WNT7B: variants seen among roughly 807,000 people sequenced by gnomAD.
WNT7B encodes the protein protein Wnt-7b.
WNT7B carries 19 observed loss-of-function variants against 38.2 expected under a neutral mutation model. The ratio of observed to expected loss-of-function variants is 0.50; its 90% CI spans 0.35 to 0.73. The LOEUF (loss-of-function observed/expected upper bound fraction) is 0.73. WNT7B is among the 30% of genes least tolerant of loss of function. The pLI, the probability that WNT7B is intolerant of heterozygous loss-of-function variation, is 0.01. For synonymous variants in WNT7B, 243 were observed against 209.3 expected (o/e 1.16, Z -1.39); for missense variants, 423 against 507.9 (o/e 0.83, Z 1.61).
chr22:45,932,425 G>A (rs893745600), intron 2 of WNT7B, among the ~76,000 whole-genome samples: 5 of 132,880 alleles, frequency 3.8e-5, no homozygotes, highest in Admixed American at 1.5e-4. Flanking sequence ...GACCCCCCCC[G>A]CCAGAAGGGA....
At position 45,931,366 on chromosome 22, in the gene WNT7B, C is replaced by T; in HGVS notation, c.302G>A (p.Ser101Asn). 6.3e-7 allele frequency: 1 copy of T among 1,587,008 alleles called. No homozygotes were observed. The highest frequency in any genetic ancestry group is 8.5e-7 in the Non-Finnish European group (1 of 1,172,238). The change falls in exon 3 of 4, where the codon AGC becomes AAC. Residue 101 changes from serine (S) to asparagine (N), a missense_variant. Coordinates refer to ENST00000339464, the MANE Select transcript of WNT7B (RefSeq NM_058238.3). ...TVFGQELRVG[S>N]REAAFTYAIT... ...GGCGTACGTGAAGGCAGCCTCACGG[C>T]TCCCTGCGGGGACAGACAGGTGCAG...
At chr22:45,936,762 C>A (rs970255898) in intron 2 of WNT7B, among the ~76,000 whole-genome samples, 1 of 152,194 alleles carries the variant, frequency 6.6e-6, no homozygotes, top group Non-Finnish European at 1.5e-5. Context: ...CTCACTCTGA[C>A]CATGAGGAGG....
chr22:45,933,724 TAAC>T (rs1002763306), intron 2 of WNT7B, among the ~76,000 whole-genome samples: 9 of 152,158 alleles, frequency 5.9e-5, no homozygotes, highest in African/African-American at 2.2e-4. Flanking sequence ...GGTACAATCT[TAAC>T]AAGGAGCATG....
intron 2 of WNT7B, among the ~76,000 whole-genome samples, chr22:45,944,618 G>A (rs1297874434): frequency 3.3e-5 from 5 of 152,220 alleles, no homozygotes; most frequent in African/African-American, 7.2e-5. Context: ...GACCAGGGTC[G>A]TCAGCCTGGG....
At chr22:45,943,535 A>G (rs1931721035) in intron 2 of WNT7B, among the ~76,000 whole-genome samples, 1 of 152,058 alleles carries the variant, frequency 6.6e-6, no homozygotes, top group Admixed American at 6.5e-5. Flanking sequence ...TGCCCTCGGG[A>G]GTGCTCTGGC....
chr22:45,950,237 C>G, intron 1 of WNT7B, 91 bp from the exon 2 acceptor site: 1 of 1,158,764 alleles, frequency 8.6e-7, no homozygotes, highest in South Asian at 1.4e-5. Context: ...GCCTCTCAGT[C>G]ACAGGCCCTG....
rs78976711 is a variant in WNT7B, at chr22:45,975,193, G to A, written c.71+1491C>T. ...CCTAACTACTCTAGGGGTGCCAGGA[G>A]GGGGAAGGCCTCAGCGCTGAGAATC... is the stretch of plus-strand genomic sequence containing the variant. On this transcript the variant is annotated intron_variant, in intron 1 of 3. Transcript: ENST00000339464. The surrounding 1 kb of genome is among the most constrained non-coding windows in gnomAD (Gnocchi z 6.6). Among the ~76,000 whole-genome samples, 1 of 152,162 alleles carries A rather than the reference G, an allele frequency of 6.6e-6. No individual in the cohort carries two copies. The highest frequency in any genetic ancestry group is 1.9e-4 in the East Asian group (1 of 5,192).
At chr22:45,968,649 C>T (rs1338116511) in intron 1 of WNT7B, among the ~76,000 whole-genome samples, 2 of 152,236 alleles carry the variant, frequency 1.3e-5, no homozygotes, top group African/African-American at 4.8e-5. Flanking sequence ...GATGCACATT[C>T]TCCCCTTTAG....
intron 1 of WNT7B, among the ~76,000 whole-genome samples, chr22:45,962,256 A>G (rs1367863603): frequency 1.3e-5 from 2 of 152,192 alleles, no homozygotes; most frequent in Admixed American, 1.3e-4. Flanking sequence ...AGGGGCCCGC[A>G]GCTAATGAGG....
At chr22:45,967,900 A>C (rs1932348002) in intron 1 of WNT7B, among the ~76,000 whole-genome samples, 1 of 152,130 alleles carries the variant, frequency 6.6e-6, no homozygotes, top group Non-Finnish European at 1.5e-5. Flanking sequence ...AGGCCCTGGG[A>C]GACCCTGATT....
chr22:45,929,673 C>CCATT (rs1569111223), intron 3 of WNT7B, among the ~76,000 whole-genome samples: 1 of 119,856 alleles, frequency 8.3e-6, no homozygotes, highest in Non-Finnish European at 1.8e-5. Context: ...CCCGCCCATC[C>CCATT]TTCCCTCCAT....
chr22:45,946,746 T>A (rs28624514), intron 2 of WNT7B, among the ~76,000 whole-genome samples: 1,977 of 152,244 alleles, frequency 0.013, 46 homozygotes, highest in African/African-American at 0.046. Context: ...AGAAACCATC[T>A]GTCTAATGGG....
Position 45,976,637 on chromosome 22 carries a change from G to C in WNT7B, c.71+47C>G. ...GGGACGCCCCGGAGGCAGCTCCTTCGTGCTGTCTTGGCCCCTGGCTGCTGC... is the reference window on the plus strand; with the variant it reads ...GGGACGCCCCGGAGGCAGCTCCTTCCTGCTGTCTTGGCCCCTGGCTGCTGC... On this transcript the variant is annotated intron_variant, in intron 1 of 3. Transcript: ENST00000339464. The surrounding 1 kb of genome is among the most constrained non-coding windows in gnomAD (Gnocchi z 8.5). The C allele has an allele frequency of 6.3e-7, 1 of 1,584,470 alleles. No homozygotes were observed. Among genetic ancestry groups the C allele is most frequent in the Non-Finnish European group, 8.6e-7 (1 of 1,163,316 alleles).
chr22:45,943,635 G>A (rs1182841531), intron 2 of WNT7B, among the ~76,000 whole-genome samples: 1 of 152,202 alleles, frequency 6.6e-6, no homozygotes, highest in African/African-American at 2.4e-5. Flanking sequence ...ATCCTGGCGG[G>A]CGGTTCCCTG....
chr22:45,926,336 C>A (rs532972115), intron 3 of WNT7B: 47 of 985,240 alleles, frequency 4.8e-5, no homozygotes, highest in Non-Finnish European at 5.3e-5. Flanking sequence ...TGCAGGCTGC[C>A]GCAGGGGCCG....
rs1726659226 is a variant in WNT7B, at chr22:45,927,222, C to T, written c.570+3876G>A. ...AGCTGGGGGCCGGGCACTGGGCACTCAGGTCTCCAAAACCTCAGGGGCTGC... is the reference window on the plus strand; with the variant it reads ...AGCTGGGGGCCGGGCACTGGGCACTTAGGTCTCCAAAACCTCAGGGGCTGC... On this transcript the variant is annotated intron_variant, in intron 3 of 3. Transcript: ENST00000339464. The T allele has an allele frequency of 4.1e-6, 4 of 985,312 alleles. No individual in the cohort carries two copies. In the South Asian group the frequency reaches 1.9e-4, roughly 46 times the overall value. The allele number at this position is 985,312 out of a possible 1,614,324, so 61.0% of individuals were successfully genotyped here.
At chr22:45,970,873 G>T (rs934905532) in intron 1 of WNT7B, among the ~76,000 whole-genome samples, 1 of 152,222 alleles carries the variant, frequency 6.6e-6, no homozygotes, top group Admixed American at 6.5e-5. Context: ...GCGCCCTGCT[G>T]CCCCGCCCCC....
Position 45,966,489 on chromosome 22 carries a change from G to C in WNT7B, c.71+10195C>G, listed in dbSNP as rs1396530935. On this transcript the variant is annotated intron_variant, in intron 1 of 3. Coordinates refer to ENST00000339464, the MANE Select transcript of WNT7B (RefSeq NM_058238.3). This position sits in a 1 kb window ranked among gnomAD's most constrained non-coding sequence, Gnocchi z 4.2. ...ACAGTGCGGGAGGGCTCCAGAAAGCGATAGAGGCCTGCAGGGGTCATGGGA... is the reference window on the plus strand; with the variant it reads ...ACAGTGCGGGAGGGCTCCAGAAAGCCATAGAGGCCTGCAGGGGTCATGGGA... Among the ~76,000 whole-genome samples the C allele has an allele frequency of 6.6e-6, 1 of 152,212 alleles. No individual in the cohort carries two copies.
intron 2 of WNT7B, among the ~76,000 whole-genome samples, chr22:45,944,126 C>T (rs1215686384): frequency 1.3e-5 from 2 of 152,192 alleles, no homozygotes; most frequent in Non-Finnish European, 2.9e-5. Context: ...GGGACCCGGG[C>T]AGATAGGGCC....
Sources: gnomAD v4.1 joint callset for allele counts (sites outside exome capture counted in the v4.1 genomes callset) on GRCh38, gnomAD v4.1.1 for gene constraint, Gnocchi (gnomAD v3.1) non-coding constraint, MANE v1.5 for transcripts, NCBI Gene and HGNC (gene_info 2026-07-23, HGNC 2026-07-21) for gene names.